CD28: variants seen among roughly 807,000 people sequenced by gnomAD.
CD28 encodes CD28 molecule, also known as T-cell-specific surface glycoprotein CD28.
Under a neutral mutation model 21.4 loss-of-function variants are expected in CD28, and 8 were observed. That is an observed-to-expected ratio of 0.37 (90% confidence interval 0.22 to 0.68). The LOEUF is 0.68. Ranked by LOEUF, CD28 falls within the 30% of genes least tolerant of loss-of-function variation. CD28 has a pLI of 0.55. For missense variants in CD28, 239 were observed against 272.2 expected, an observed-to-expected ratio of 0.88 and a Z score of 0.86; for synonymous variants, 106 against 104.0, an observed-to-expected ratio of 1.02 and a Z score of -0.12.
chr2:203,716,688 C>CT (rs887551522), intron 1 of CD28, among the ~76,000 whole-genome samples: 7 of 152,304 alleles, frequency 4.6e-5, no homozygotes, highest in African/African-American at 1.7e-4. Flanking sequence ...GACTTACTTT[C>CT]TGACAGTTAC....
At chr2:203,713,357 G>C (rs1693368084) in intron 1 of CD28, among the ~76,000 whole-genome samples, 1 of 152,192 alleles carries the variant, frequency 6.6e-6, no homozygotes, top group African/African-American at 2.4e-5. Flanking sequence ...GAAAAACAGA[G>C]AGTGGAGCTG....
intron 3 of CD28, among the ~76,000 whole-genome samples, chr2:203,730,629 C>T (rs998791951): frequency 1.3e-5 from 2 of 152,242 alleles, no homozygotes; most frequent in African/African-American, 4.8e-5. Context: ...AATGTATTCT[C>T]AAACATAAAA....
chr2:203,724,249 T>C (rs1278608866), intron 1 of CD28, among the ~76,000 whole-genome samples: 1 of 152,124 alleles, frequency 6.6e-6, no homozygotes, highest in African/African-American at 2.4e-5. Context: ...AGGGTGATGG[T>C]AAATGGGTAT....
At chr2:203,725,293 GA>G (rs10712299) in intron 1 of CD28, among the ~76,000 whole-genome samples, 106,760 of 142,528 alleles carry the variant, frequency 0.75, 39,404 homozygotes, top group East Asian at 0.91. Flanking sequence ...TCCGTCTCCA[GA>G]AAAAAAAAAA....
At position 203,734,804 on chromosome 2, in the gene CD28, G is replaced by A. The variant is rs1209365880; in HGVS notation, c.555G>A (p.Arg185=). The change falls in exon 4 of 4, where the codon AGG becomes AGA. Residue 185 remains arginine (R), a synonymous_variant. Coordinates refer to ENST00000324106, the MANE Select transcript of CD28 (RefSeq NM_006139.4). The part of the protein sequence containing the change: ...IIFWVRSKRS[R]LLHSDYMNMT... ...TGCAGGTGAGGAGTAAGAGGAGCAGGCTCCTGCACAGTGACTACATGAACA... is the reference window on the plus strand; with the variant it reads ...TGCAGGTGAGGAGTAAGAGGAGCAGACTCCTGCACAGTGACTACATGAACA... 3 of 1,614,050 alleles carry A rather than the reference G, an allele frequency of 1.9e-6. No homozygotes were observed. In the Admixed American group the frequency reaches 5.0e-5, roughly 27 times the overall value.
intron 1 of CD28, among the ~76,000 whole-genome samples, chr2:203,713,670 C>T (rs1340081004): frequency 6.6e-6 from 1 of 151,954 alleles, no homozygotes; most frequent in Non-Finnish European, 1.5e-5. Context: ...GGGGACAAAA[C>T]AGAGACAGTG....
chr2:203,734,178 C>T (rs961616459), intron 3 of CD28, among the ~76,000 whole-genome samples: 4 of 152,194 alleles, frequency 2.6e-5, no homozygotes, highest in South Asian at 2.1e-4. Flanking sequence ...GTGGGTGAAA[C>T]TATTGCCCTT....
chr2:203,714,419 C>T (rs962468141), intron 1 of CD28, among the ~76,000 whole-genome samples: 8 of 152,154 alleles, frequency 5.3e-5, no homozygotes, highest in African/African-American at 1.9e-4. Context: ...TTAATCTTAG[C>T]ATTTCCCTGT....
chr2:203,727,633 C>T (rs1347823996), intron 2 of CD28, among the ~76,000 whole-genome samples: 1 of 151,152 alleles, frequency 6.6e-6, no homozygotes, highest in Admixed American at 6.6e-5. Context: ...GGCCCGCCAC[C>T]ACGCCTGGCT....
At chr2:203,724,573 G>A (rs1252403776) in intron 1 of CD28, among the ~76,000 whole-genome samples, 1 of 152,108 alleles carries the variant, frequency 6.6e-6, no homozygotes, top group Non-Finnish European at 1.5e-5. Context: ...TTGTAGAGAT[G>A]GGTTCTTTCT....
At chr2:203,723,616 A>C (rs538235866) in intron 1 of CD28, among the ~76,000 whole-genome samples, 1 of 152,364 alleles carries the variant, frequency 6.6e-6, no homozygotes, top group African/African-American at 2.4e-5. Flanking sequence ...AGAATAGACC[A>C]ATGGCTAATA....
At chr2:203,727,079 A>C (rs1396317666) in intron 2 of CD28, 90 bp downstream of exon 2, 1 of 783,786 alleles carries the variant, frequency 1.3e-6, no homozygotes, top group East Asian at 2.5e-5. Flanking sequence ...GGTGGGGTTG[A>C]ATAAGGCCTA....
In CD28 at chr2:203,726,735, G is replaced by A. The variant is rs1179953211; in HGVS notation, c.155G>A (p.Arg52Gln). The part of the protein sequence containing the change: ...YSYNLFSREF[R>Q]ASLHKGLDSA... Reference sequence around the variant, plus strand: ...TACAATCTCTTCTCAAGGGAGTTCCGGGCATCCCTTCACAAAGGACTGGAT... The same window carrying A: ...TACAATCTCTTCTCAAGGGAGTTCCAGGCATCCCTTCACAAAGGACTGGAT... Residue 52 changes from arginine (R) to glutamine (Q), a missense_variant, in exon 2 of 4, where the codon CGG (arginine) becomes CAG (glutamine). Arg to Gln is a conservative substitution (Grantham distance 43, BLOSUM62 1). This residue lies in a region of CD28 where 104 missense variants were observed against 108.5 expected (regional missense o/e 0.96). Transcript: ENST00000324106. 1.9e-6 allele frequency: 3 copies of A among 1,613,892 alleles called. No homozygotes were observed. Among genetic ancestry groups the A allele is most frequent in the Non-Finnish European group, 2.5e-6 (3 of 1,179,988 alleles).
At chr2:203,723,248 A>C (rs775023170) in intron 1 of CD28, among the ~76,000 whole-genome samples, 12 of 152,178 alleles carry the variant, frequency 7.9e-5, no homozygotes, top group Non-Finnish European at 5.9e-5. Flanking sequence ...ACTTGTATCA[A>C]GGCTGAGGCA....
intron 1 of CD28, among the ~76,000 whole-genome samples, chr2:203,715,531 G>C (rs115238010): frequency 0.01 from 1,526 of 152,266 alleles, 26 homozygotes; most frequent in African/African-American, 0.035. Flanking sequence ...TGGTCCCAGA[G>C]CACTCACATC....
Position 203,738,725 on chromosome 2 carries a change from C to T in CD28, c.*3813C>T, listed in dbSNP as rs939468983. On this transcript the variant is annotated 3_prime_UTR_variant, in exon 4 of 4. Transcript: ENST00000324106. ...ATCTTCTCCCCTAGTTAAACTACCC[C>T]ACACCCTGTCTGCTTTCCTTGCTTA... The T allele has an allele frequency of 6.6e-5, 10 of 152,208 alleles. No homozygotes were observed. Among genetic ancestry groups the T allele is most frequent in the African/African-American group, 2.2e-4 (9 of 41,456 alleles). The allele number at this position is 152,208 out of a possible 1,614,324, so 9.4% of individuals were successfully genotyped here. A position where few individuals can be genotyped will look rare whatever the true frequency, so the allele number is the denominator to read the frequency against.
At chr2:203,733,173 A>G (rs1276011321) in intron 3 of CD28, among the ~76,000 whole-genome samples, 7 of 152,190 alleles carry the variant, frequency 4.6e-5, no homozygotes, top group Non-Finnish European at 1.0e-4. Context: ...TCTTTCATTT[A>G]CAGAAAGGAT....
intron 2 of CD28, among the ~76,000 whole-genome samples, 178 bp from the exon 3 acceptor site, chr2:203,729,470 C>A (rs1161152831): frequency 6.6e-6 from 1 of 152,112 alleles, no homozygotes; most frequent in African/African-American, 2.4e-5. Flanking sequence ...TGAAAACTGA[C>A]CAGATCATGG....
At chr2:203,732,802 T>G (rs1693930850) in intron 3 of CD28, among the ~76,000 whole-genome samples, 1 of 152,228 alleles carries the variant, frequency 6.6e-6, no homozygotes, top group South Asian at 2.1e-4. Context: ...ATCTGTCATT[T>G]TCATCCCACT....
Sources: allele counts gnomAD v4.1 joint callset (sites outside exome capture counted in the v4.1 genomes callset), GRCh38; gene constraint gnomAD v4.1.1; regional missense constraint gnomAD v4.1.1; transcripts MANE v1.5; gene names NCBI Gene and HGNC (gene_info 2026-07-23, HGNC 2026-07-21).